Variants in PAX5 observed in about 807,000 individuals in gnomAD.
PAX5 encodes the protein paired box protein Pax-5.
Under a neutral mutation model 43.7 loss-of-function variants are expected in PAX5, and 9 were observed. The observed-to-expected ratio is 0.21, with a 90% CI of 0.12 to 0.36. The LOEUF (loss-of-function observed/expected upper bound fraction) is 0.36, where lower values mean the gene tolerates loss of function less well. Among genes scored for constraint, PAX5 ranks in the 10% least tolerant of loss-of-function variants. PAX5 has a pLI of 1.00. For synonymous variants in PAX5, 228 were observed against 214.3 expected (o/e 1.06, Z -0.56); for missense variants, 383 against 532.7 (o/e 0.72, Z 2.77).
At chr9:36,854,756 A>G (rs1379749737) in intron 8 of PAX5, among the ~76,000 whole-genome samples, 1 of 152,058 alleles carries the variant, frequency 6.6e-6, no homozygotes. Flanking sequence ...GCATCGATCC[A>G]TTGCTGGGAA....
chr9:37,020,627 T>C lies in PAX5; in HGVS notation c.212+9A>G. On this transcript the variant is annotated intron_variant, in intron 2 of 9. Coordinates refer to ENST00000358127, the MANE Select transcript of PAX5 (RefSeq NM_016734.3). ...AAGATCAAGGGAAGCCTCGAGCTAC[T>C]GCCTTTACCTGCCAAGAATTTTGCT... 6.2e-7 allele frequency: 1 copy of C among 1,614,050 alleles called. No homozygotes were observed. Among genetic ancestry groups the C allele is most frequent in the Non-Finnish European group, 8.5e-7 (1 of 1,179,894 alleles).
chr9:36,905,548 G>A (rs1344707947), intron 7 of PAX5, among the ~76,000 whole-genome samples: 2 of 152,186 alleles, frequency 1.3e-5, no homozygotes, highest in African/African-American at 2.4e-5. Context: ...AGAAGCACCC[G>A]AAGTACAGGA....
At chr9:36,904,678 A>T (rs1396399944) in intron 7 of PAX5, among the ~76,000 whole-genome samples, 1 of 152,222 alleles carries the variant, frequency 6.6e-6, no homozygotes. Context: ...AATTATGATA[A>T]TATCTTGAAT....
chr9:36,911,138 G>A (rs1234945103), intron 7 of PAX5, among the ~76,000 whole-genome samples: 1 of 152,090 alleles, frequency 6.6e-6, no homozygotes, highest in Non-Finnish European at 1.5e-5. Flanking sequence ...CAGAGCACAT[G>A]CCCTGGTAAA....
intron 3 of PAX5, among the ~76,000 whole-genome samples, chr9:37,010,066 G>C (rs1185668667): frequency 6.6e-6 from 1 of 152,208 alleles, no homozygotes; most frequent in Admixed American, 6.5e-5. Flanking sequence ...AGAAGAAACT[G>C]TAGTGGGAAG....
intron 9 of PAX5, among the ~76,000 whole-genome samples, chr9:36,845,788 ACTT>A (rs1822512072): frequency 6.6e-6 from 1 of 152,170 alleles, no homozygotes; most frequent in South Asian, 2.1e-4. Flanking sequence ...TGGTTTGGCA[ACTT>A]GAGTTTGAAG....
chr9:36,860,656 A>G (rs535249915), intron 8 of PAX5, among the ~76,000 whole-genome samples: 1 of 152,322 alleles, frequency 6.6e-6, no homozygotes, highest in African/African-American at 2.4e-5. Flanking sequence ...GAGTTTCGCT[A>G]GCGTCCTCAG....
At chr9:36,877,273 T>C (rs773699174) in intron 8 of PAX5, among the ~76,000 whole-genome samples, 2 of 152,286 alleles carry the variant, frequency 1.3e-5, no homozygotes, top group Non-Finnish European at 1.5e-5. Flanking sequence ...AAGTCAAGGC[T>C]GCAGTGAGCC....
intron 2 of PAX5, among the ~76,000 whole-genome samples, chr9:37,016,301 T>C (rs1336090838): frequency 6.6e-6 from 1 of 152,200 alleles, no homozygotes; most frequent in African/African-American, 2.4e-5. Context: ...AAGAGAAAAA[T>C]AATAATCCTG....
At chr9:36,914,962 A>G (rs939869943) in intron 7 of PAX5, among the ~76,000 whole-genome samples, 9 of 152,206 alleles carry the variant, frequency 5.9e-5, no homozygotes, top group African/African-American at 2.2e-4. Flanking sequence ...TTAGACACTT[A>G]TTTACATCGG....
chr9:36,934,684 T>C (rs1831399765), intron 6 of PAX5, among the ~76,000 whole-genome samples: 1 of 152,214 alleles, frequency 6.6e-6, no homozygotes, highest in Admixed American at 6.5e-5. Context: ...GAAGCCCTCA[T>C]GGATTCCCCC....
chr9:36,926,561 G>T (rs1830654136), intron 6 of PAX5, among the ~76,000 whole-genome samples: 1 of 152,210 alleles, frequency 6.6e-6, no homozygotes, highest in Non-Finnish European at 1.5e-5. Context: ...TTCTGAGAAT[G>T]AATCGGGCAT....
chr9:36,992,873 G>A (rs1306163740), intron 5 of PAX5, among the ~76,000 whole-genome samples: 1 of 152,196 alleles, frequency 6.6e-6, no homozygotes, highest in Non-Finnish European at 1.5e-5. Context: ...TTGGAAGAAG[G>A]GGTCCCCAAG....
intron 5 of PAX5, among the ~76,000 whole-genome samples, chr9:36,992,406 G>C (rs773219491): frequency 6.6e-6 from 1 of 152,180 alleles, no homozygotes; most frequent in Non-Finnish European, 1.5e-5. Flanking sequence ...AGCTGGATGG[G>C]GAGAATAGGC....
intron 7 of PAX5, among the ~76,000 whole-genome samples, chr9:36,906,842 T>C (rs1378135078): frequency 1.3e-5 from 2 of 152,224 alleles, no homozygotes; most frequent in African/African-American, 2.4e-5. Flanking sequence ...TCACTTCATC[T>C]ACATAGTGAG....
At chr9:36,987,866 T>C (rs985927067) in intron 5 of PAX5, among the ~76,000 whole-genome samples, 7 of 152,242 alleles carry the variant, frequency 4.6e-5, no homozygotes, top group South Asian at 4.2e-4. Flanking sequence ...GAGAGGGAGG[T>C]ACGCAGGTTC....
At chr9:36,952,692 C>G (rs1833113018) in intron 6 of PAX5, among the ~76,000 whole-genome samples, 1 of 152,064 alleles carries the variant, frequency 6.6e-6, no homozygotes, top group Admixed American at 6.5e-5. Flanking sequence ...ACGTTTATAT[C>G]TAATCTAAAT....
At chr9:36,905,564 C>A (rs1828745107) in intron 7 of PAX5, among the ~76,000 whole-genome samples, 1 of 152,178 alleles carries the variant, frequency 6.6e-6, no homozygotes, top group Non-Finnish European at 1.5e-5. Flanking sequence ...CAGGAACCAG[C>A]AAGACCAAAG....
rs1821889591 is a variant in PAX5 at position 36,839,657 on chromosome 9, A to C, written c.*903T>G. 4.3e-6 allele frequency: 1 copy of C among 233,234 alleles called. No individual in the cohort carries two copies. The highest frequency in any genetic ancestry group is 1.8e-4 in the South Asian group (1 of 5,534). The allele number at this position is 233,234 out of a possible 1,614,324, so 14.4% of individuals were successfully genotyped here. The stretch of plus-strand genomic sequence containing the variant: ...GGGCTGAGGGAGTAGGGAGAGCCTC[A>C]GGCCCCTCCTTGGCTGGGATCAGAT... On this transcript the variant is annotated 3_prime_UTR_variant, in exon 10 of 10. Coordinates refer to ENST00000358127, the MANE Select transcript of PAX5 (RefSeq NM_016734.3).
Sources: gnomAD v4.1 joint callset for allele counts (sites outside exome capture counted in the v4.1 genomes callset) on GRCh38, gnomAD v4.1.1 for gene constraint, MANE v1.5 for transcripts, NCBI Gene and HGNC (gene_info 2026-07-23, HGNC 2026-07-21) for gene names.